Variants in CARD6 observed in about 807,000 individuals in gnomAD.
CARD6 encodes caspase recruitment domain-containing protein 6.
CARD6 carries 27 observed loss-of-function variants against 23.6 expected under a neutral mutation model. The observed-to-expected ratio is 1.14, with a 90% CI of 0.84 to 1.58. The LOEUF is 1.58. Among genes scored for constraint, CARD6 ranks in the 40% most tolerant of loss-of-function variants. The pLI is 0.00. For missense variants in CARD6, 1,214 were observed against 1,209.9 expected (o/e 1.00, Z -0.05); for synonymous variants, 397 against 431.8 (o/e 0.92, Z 1.00).
In CARD6 at chr5:40,843,498, A is replaced by G. The variant is rs745855379; in HGVS notation, c.630A>G (p.Gly210=). ...YEELDDSLYL[G]KEEYLGSVDT... ...AGCTAGATGATTCTTTATACTTAGG[A>G]AAAGAGGAATATCTAGGATCTGTTG... Residue 210 remains glycine, a synonymous_variant, in exon 2 of 3, where the codon GGA becomes GGG. Transcript: ENST00000254691. 1 of 1,608,362 alleles carries G rather than the reference A, an allele frequency of 6.2e-7. No homozygotes were observed.
chr5:40,843,265 T>C lies in CARD6; in HGVS notation c.397T>C (p.Phe133Leu). Residue 133 changes from phenylalanine to leucine, a missense_variant, in exon 2 of 3, where the codon TTC becomes CTC. Coordinates refer to ENST00000254691, the MANE Select transcript of CARD6 (RefSeq NM_032587.4). Reference sequence around the variant, plus strand: ...GCCTGAAGCCCCTGAGATCACAGTGTTCTTCAGTGAGAAGGAACACTTGGA... The same window carrying C: ...GCCTGAAGCCCCTGAGATCACAGTGCTCTTCAGTGAGAAGGAACACTTGGA... ...KQPEAPEITV[F>L]FSEKEHLDLE... 1.2e-6 allele frequency: 2 copies of C among 1,614,114 alleles called. No individual in the cohort carries two copies. Among genetic ancestry groups the C allele is most frequent in the Non-Finnish European group, 1.7e-6 (2 of 1,179,972 alleles).
chr5:40,843,529 C>G lies in CARD6; in HGVS notation c.661C>G (p.Pro221Ala), dbSNP rs1745913492. The G allele has an allele frequency of 6.2e-7, 1 of 1,607,986 alleles. No homozygotes were observed. Residue 221 changes from proline to alanine, a missense_variant, in exon 2 of 3, where the codon CCT becomes GCT. Coordinates refer to ENST00000254691, the MANE Select transcript of CARD6 (RefSeq NM_032587.4). ...KEEYLGSVDT[P>A]EDAEATVEEE... ...GGAATATCTAGGATCTGTTGACACC[C>G]CTGAAGATGCAGAAGCCACTGTGGA...
chr5:40,848,594 T>C (rs1205303574), intron 2 of CARD6, among the ~76,000 whole-genome samples: 1 of 152,234 alleles, frequency 6.6e-6, no homozygotes, highest in East Asian at 1.9e-4. Flanking sequence ...ACATTTCTTG[T>C]TTCTTCCTAT....
At chr5:40,851,309 C>T (rs1746061577) in intron 2 of CARD6, among the ~76,000 whole-genome samples, 1 of 150,540 alleles carries the variant, frequency 6.6e-6, no homozygotes, top group Admixed American at 6.6e-5. Context: ...CTAGCCTGGG[C>T]AACAGAGCCA....
chr5:40,842,748 TAA>T (rs1363652308), intron 1 of CARD6, among the ~76,000 whole-genome samples: 1 of 152,040 alleles, frequency 6.6e-6, no homozygotes, highest in African/African-American at 2.4e-5. Context: ...TCCAGTGAAA[TAA>T]GAGGTGGCTG....
rs1483624683 is a variant in CARD6 at position 40,852,577 on chromosome 5, C to A, written c.1245C>A (p.Asn415Lys). ...LPLLLPDAEN[N>K]KSILMLGAMK... is the part of the protein sequence containing the mutation. ...TGCTACTGCCAGATGCAGAAAACAA[C>A]AAAAGCATCTTAATGCTGGGGGCCA... is the stretch of plus-strand genomic sequence containing the variant. Residue 415 changes from asparagine to lysine, a missense_variant, in exon 3 of 3, where the codon AAC becomes AAA. Transcript: ENST00000254691. The A allele has an allele frequency of 3.7e-6, 6 of 1,614,178 alleles. No homozygotes were observed. The highest frequency in any genetic ancestry group is 4.2e-6 in the Non-Finnish European group (5 of 1,180,026).
intron 2 of CARD6, among the ~76,000 whole-genome samples, chr5:40,844,377 G>A (rs1477941195): frequency 6.6e-6 from 1 of 152,104 alleles, no homozygotes; most frequent in East Asian, 1.9e-4. Context: ...AGCATTACAG[G>A]TGCCTGCCAC....
In CARD6 at chr5:40,843,308, T is replaced by C; in HGVS notation, c.440T>C (p.Phe147Ser). 6.2e-7 allele frequency: 1 copy of C among 1,614,122 alleles called. No individual in the cohort carries two copies. Among genetic ancestry groups the C allele is most frequent in the South Asian group, 1.1e-5 (1 of 91,082 alleles). Residue 147 changes from phenylalanine (F) to serine (S), a missense_variant, in exon 2 of 3, where the codon TTT (phenylalanine) becomes TCT (serine). By Grantham distance (155) the Phe-to-Ser change is radical (BLOSUM62 -2). Coordinates refer to ENST00000254691, the MANE Select transcript of CARD6 (RefSeq NM_032587.4). ...CACTTGGATTTGGAAACCTCTGAGT[T>C]TTTCAGGGACAAGAAAACTAGTTAT... ...KEHLDLETSE[F>S]FRDKKTSYRE... is the part of the protein sequence containing the mutation.
Position 40,852,680 on chromosome 5 carries a change from A to C in CARD6, c.1348A>C (p.Met450Leu). Residue 450 changes from methionine (M) to leucine (L), a missense_variant, in exon 3 of 3, where the codon ATG becomes CTG. Physicochemically the swap from Met to Leu is conservative, Grantham distance 15. Coordinates refer to ENST00000254691, the MANE Select transcript of CARD6 (RefSeq NM_032587.4). ...GGATACAGAAAAGTTTCTGACTCTC[A>C]TGAAGATGCCTGTCATCTCTTTTGT... is the stretch of plus-strand genomic sequence containing the variant. ...TEDTEKFLTLMKMPVISFVRL... is the reference protein window; with the variant it reads ...TEDTEKFLTLLKMPVISFVRL... The C allele has an allele frequency of 1.9e-6, 3 of 1,614,168 alleles. No homozygotes were observed. Among genetic ancestry groups the C allele is most frequent in the South Asian group, 1.1e-5 (1 of 91,072 alleles).
At chr5:40,850,587 C>T (rs1320060708) in intron 2 of CARD6, among the ~76,000 whole-genome samples, 10 of 146,926 alleles carry the variant, frequency 6.8e-5, no homozygotes, top group South Asian at 2.2e-4. Context: ...CTGGGTGTGA[C>T]GGCGGGCGCC....
At chr5:40,849,806 C>T (rs1746025784) in intron 2 of CARD6, among the ~76,000 whole-genome samples, 1 of 151,830 alleles carries the variant, frequency 6.6e-6, no homozygotes, top group South Asian at 2.1e-4. Context: ...GAGACCCTGT[C>T]TCTACAAAAT....
rs1746080886 is a variant in CARD6 at position 40,852,324 on chromosome 5, TG to T, written c.993del (p.Met331IlefsTer8). 7.4e-6 allele frequency: 12 copies of T among 1,614,070 alleles called. No homozygotes were observed. In the African/African-American group the frequency reaches 9.3e-5, roughly 13 times the overall value. On this transcript the variant is annotated frameshift_variant, in exon 3 of 3. Coordinates refer to ENST00000254691, the MANE Select transcript of CARD6 (RefSeq NM_032587.4). LOFTEE classifies it low-confidence loss of function (END_TRUNC). ...SPGDLAWNFLMKVQARDVTAR... is the reference protein window; with the variant it reads ...SPGDLAWNFLXKVQARDVTAR... ...GGAGACTTAGCCTGGAATTTCCTGA[TG>T]AAAGTTCAAGCACGAGATGTGACGG...
chr5:40,853,522 C>A lies in CARD6; in HGVS notation c.2190C>A (p.Asn730Lys), dbSNP rs1454349508. Residue 730 changes from asparagine to lysine, a missense_variant, in exon 3 of 3, where the codon AAC (asparagine) becomes AAA (lysine). By Grantham distance (94) the Asn-to-Lys change is moderately conservative. Transcript: ENST00000254691. Reference sequence around the variant, plus strand: ...CAGTATTCAGGCCTGTTCTAGAGAACTCCTGGCTCTTTCCAACCAGAATTG... The same window carrying A: ...CAGTATTCAGGCCTGTTCTAGAGAAATCCTGGCTCTTTCCAACCAGAATTG... Reference protein sequence around the residue: ...GTPVFRPVLENSWLFPTRIGG... With the variant: ...GTPVFRPVLEKSWLFPTRIGG... The A allele has an allele frequency of 6.2e-7, 1 of 1,614,178 alleles. No homozygotes were observed. Among genetic ancestry groups the A allele is most frequent in the East Asian group, 2.2e-5 (1 of 44,886 alleles).
At position 40,854,635 on chromosome 5, in the gene CARD6, G is replaced by T. The variant is rs1442422320; in HGVS notation, c.*189G>T. The stretch of plus-strand genomic sequence containing the variant: ...GACAGAGTTTCACTCTTGTTGCCCA[G>T]GCTGGAGTGCAATGGCACGATCTCG... On this transcript the variant is annotated 3_prime_UTR_variant, in exon 3 of 3. Coordinates refer to ENST00000254691, the MANE Select transcript of CARD6 (RefSeq NM_032587.4). 8 of 594,842 alleles carry T rather than the reference G, an allele frequency of 1.3e-5. No homozygotes were observed. In the East Asian group the frequency reaches 2.3e-4, roughly 17 times the overall value. 36.8% of individuals were successfully genotyped at this position (594,842 alleles called of 1,614,324 possible).
At chr5:40,844,219 C>G (rs1360954825) in intron 2 of CARD6, among the ~76,000 whole-genome samples, 1 of 152,122 alleles carries the variant, frequency 6.6e-6, no homozygotes, top group Non-Finnish European at 1.5e-5. Context: ...ATATTTGTAT[C>G]TTGAATCTGA....
intron 2 of CARD6, among the ~76,000 whole-genome samples, chr5:40,849,435 G>C (rs1253255761): frequency 6.6e-6 from 1 of 152,146 alleles, no homozygotes; most frequent in Non-Finnish European, 1.5e-5. Context: ...CTTCATGCTA[G>C]ATTCAACTTC....
chr5:40,843,399 A>G lies in CARD6; in HGVS notation c.531A>G (p.Ser177=). 1.2e-6 allele frequency: 2 copies of G among 1,614,156 alleles called. No homozygotes were observed. Among genetic ancestry groups the G allele is most frequent in the Non-Finnish European group, 1.7e-6 (2 of 1,179,994 alleles). ...ATGACACACCAGAAGTCACATTATC[A>G]TATTCAGTTGAGAAAGTTGGATGTG... is the stretch of plus-strand genomic sequence containing the variant. ...KEYDTPEVTL[S]YSVEKVGCEV... Residue 177 remains serine, a synonymous_variant, in exon 2 of 3, where the codon TCA becomes TCG. Coordinates refer to ENST00000254691, the MANE Select transcript of CARD6 (RefSeq NM_032587.4).
chr5:40,844,052 T>A (rs750863143), intron 2 of CARD6, among the ~76,000 whole-genome samples: 1 of 152,214 alleles, frequency 6.6e-6, no homozygotes, highest in Non-Finnish European at 1.5e-5. Flanking sequence ...ATTTCTCAGG[T>A]TAAACCACTT....
At chr5:40,847,364 C>T (rs1246351124) in intron 2 of CARD6, among the ~76,000 whole-genome samples, 1 of 152,186 alleles carries the variant, frequency 6.6e-6, no homozygotes, top group Non-Finnish European at 1.5e-5. Context: ...AATTGACTCT[C>T]TTCCCCCTCC....
Sources: allele counts gnomAD v4.1 joint callset (sites outside exome capture counted in the v4.1 genomes callset), GRCh38; gene constraint gnomAD v4.1.1; transcripts MANE v1.5; gene names NCBI Gene and HGNC (gene_info 2026-07-23, HGNC 2026-07-21).